The following ABTB3 variants were observed in gnomAD, a reference collection of about 807,000 sequenced individuals.
ABTB3 encodes ankyrin repeat- and BTB/POZ domain-containing protein 3.
chr12:107,401,890 T>C, the ABTB3 span, among the ~76,000 whole-genome samples: 1 of 151,260 alleles, frequency 6.6e-6, no homozygotes, highest in Non-Finnish European at 1.5e-5. Flanking sequence ...CTTCTCTTTA[T>C]ATAGTAGGTA....
the ABTB3 span, among the ~76,000 whole-genome samples, chr12:107,467,677 A>G: frequency 3.9e-5 from 6 of 152,182 alleles, no homozygotes; most frequent in African/African-American, 1.4e-4. Context: ...CAGCTATATC[A>G]TGATCCACTC....
At chr12:107,542,311 C>A in the ABTB3 span, among the ~76,000 whole-genome samples, 30 of 119,172 alleles carry the variant, frequency 2.5e-4, no homozygotes, top group African/African-American at 3.0e-4. Flanking sequence ...AACTCTGTCT[C>A]AAAAAAAAAA....
chr12:107,455,139 A>G, the ABTB3 span, among the ~76,000 whole-genome samples: 1 of 152,258 alleles, frequency 6.6e-6, no homozygotes, highest in African/African-American at 2.4e-5. Flanking sequence ...GAGCCCAAGC[A>G]TGTGGCCTGA....
chr12:107,628,178 T>A, the ABTB3 span, among the ~76,000 whole-genome samples: 1 of 152,178 alleles, frequency 6.6e-6, no homozygotes, highest in Admixed American at 6.5e-5. Flanking sequence ...TTCACTCTTG[T>A]CACTCAGGCT....
chr12:107,337,475 G>A, the ABTB3 span, among the ~76,000 whole-genome samples: 4 of 152,274 alleles, frequency 2.6e-5, no homozygotes, highest in East Asian at 3.9e-4. Context: ...AATGTGGCTG[G>A]TTCCCATGTA....
the ABTB3 span, among the ~76,000 whole-genome samples, chr12:107,378,576 C>G: frequency 6.6e-6 from 1 of 152,144 alleles, no homozygotes; most frequent in Non-Finnish European, 1.5e-5. Flanking sequence ...CCTCTTAGTC[C>G]CCTCCACCTG....
At chr12:107,346,772 T>A in the ABTB3 span, among the ~76,000 whole-genome samples, 1 of 152,188 alleles carries the variant, frequency 6.6e-6, no homozygotes, top group Non-Finnish European at 1.5e-5. Flanking sequence ...CTGCTCTTAA[T>A]TTTTTGTCAA....
At chr12:107,400,279 C>T in the ABTB3 span, among the ~76,000 whole-genome samples, 3 of 152,142 alleles carry the variant, frequency 2.0e-5, no homozygotes, top group Admixed American at 1.3e-4. Flanking sequence ...ATATGATCAA[C>T]ACTCAAATGG....
the ABTB3 span, among the ~76,000 whole-genome samples, chr12:107,443,958 C>T: frequency 6.6e-6 from 1 of 152,164 alleles, no homozygotes; most frequent in Admixed American, 6.5e-5. Context: ...ACAGGGTCAC[C>T]TAGATGAGGA....
chr12:107,426,940 C>A, the ABTB3 span, among the ~76,000 whole-genome samples: 2 of 152,194 alleles, frequency 1.3e-5, no homozygotes, highest in African/African-American at 4.8e-5. Flanking sequence ...TATTCTCCTG[C>A]TTTTTTCAAT....
chr12:107,531,120 T>C, the ABTB3 span, among the ~76,000 whole-genome samples: 1 of 152,236 alleles, frequency 6.6e-6, no homozygotes, highest in Non-Finnish European at 1.5e-5. Context: ...ACTTTGGCAC[T>C]GTTGTCATTT....
the ABTB3 span, among the ~76,000 whole-genome samples, chr12:107,404,373 G>A: frequency 6.6e-6 from 1 of 152,014 alleles, no homozygotes; most frequent in Non-Finnish European, 1.5e-5. Flanking sequence ...TTGAGCAAGG[G>A]GAGAGGGTCC....
the ABTB3 span, among the ~76,000 whole-genome samples, chr12:107,572,034 AC>A: frequency 4.6e-5 from 7 of 152,162 alleles, no homozygotes; most frequent in Non-Finnish European, 8.8e-5. Flanking sequence ...AATGCGCAGA[AC>A]TTGAAAATGC....
the ABTB3 span, among the ~76,000 whole-genome samples, chr12:107,516,725 C>T: frequency 6.6e-6 from 1 of 152,168 alleles, no homozygotes; most frequent in East Asian, 1.9e-4. Context: ...CAAAGGTGCC[C>T]ATCTTCAAAG....
the ABTB3 span, among the ~76,000 whole-genome samples, chr12:107,452,159 A>G: frequency 6.6e-6 from 1 of 151,844 alleles, no homozygotes; most frequent in Non-Finnish European, 1.5e-5. Flanking sequence ...TAAGATAGGC[A>G]TAAGAGTGAC....
At chr12:107,552,697 C>T in the ABTB3 span, among the ~76,000 whole-genome samples, 3 of 152,286 alleles carry the variant, frequency 2.0e-5, no homozygotes, top group Admixed American at 6.5e-5. Flanking sequence ...GATGGAGTCA[C>T]GAGCACATTT....
At chr12:107,589,141 A>G in the ABTB3 span, among the ~76,000 whole-genome samples, 3 of 152,198 alleles carry the variant, frequency 2.0e-5, no homozygotes, top group African/African-American at 7.2e-5. Flanking sequence ...ATGTGTACAA[A>G]CCATTTAGAA....
chr12:107,470,012 C>G, the ABTB3 span, among the ~76,000 whole-genome samples: 1 of 108,140 alleles, frequency 9.2e-6, no homozygotes, highest in African/African-American at 4.1e-5. Context: ...TTCTTTCTTT[C>G]TCTCTCTCTC....
At chr12:107,583,707 T>C in the ABTB3 span, among the ~76,000 whole-genome samples, 5 of 152,222 alleles carry the variant, frequency 3.3e-5, no homozygotes, top group African/African-American at 4.8e-5. Context: ...TGTGTCATTC[T>C]GACAGTCACA....
Sources: gnomAD v4.1 joint callset for allele counts (sites outside exome capture counted in the v4.1 genomes callset) on GRCh38, gnomAD v4.1.1 for gene constraint, MANE v1.5 for transcripts, NCBI Gene and HGNC (gene_info 2026-07-23, HGNC 2026-07-21) for gene names.